The following DDC variants were observed in gnomAD, a reference collection of about 807,000 sequenced individuals.
The protein encoded by DDC is aromatic-L-amino-acid decarboxylase.
DDC carries 43 observed loss-of-function variants against 60.0 expected under a neutral mutation model. The observed-to-expected ratio is 0.72, with a 90% CI of 0.56 to 0.92. The LOEUF (loss-of-function observed/expected upper bound fraction) is 0.92. DDC is among the 40% of genes least tolerant of loss of function. DDC has a pLI of 0.00. For missense variants in DDC, 573 were observed against 620.2 expected (o/e 0.92, Z 0.81); for synonymous variants, 232 against 234.6 (o/e 0.99, Z 0.10).
In DDC at chr7:50,537,927, C is replaced by A; in HGVS notation, c.368G>T (p.Gly123Val). ...TGCCTTTGGTAGTTCCAGCATCTTC[C>A]CGAGCCAGTCCATCATCACAGTCTC... ...ELETVMMDWL[G>V]KMLELPKAFL... The change falls in exon 4 of 15, where the codon GGG becomes GTG. Residue 123 changes from glycine (G) to valine (V), a missense_variant. Transcript: ENST00000444124. 1 of 1,614,150 alleles carries A rather than the reference C, an allele frequency of 6.2e-7. No homozygotes were observed. The highest frequency in any genetic ancestry group is 1.6e-4 in the Middle Eastern group (1 of 6,062).
At chr7:50,542,076 A>G (rs868397341) in intron 2 of DDC, among the ~76,000 whole-genome samples, 1 of 152,314 alleles carries the variant, frequency 6.6e-6, no homozygotes, top group South Asian at 2.1e-4. Context: ...TGCCTTCAGC[A>G]CAGCAGGTCC....
chr7:50,537,828 C>A, intron 4 of DDC, 32 bp downstream of exon 4: 2 of 1,614,086 alleles, frequency 1.2e-6, no homozygotes, highest in Non-Finnish European at 1.7e-6. Context: ...GCCCATGCAT[C>A]CCAAAAGTGG....
chr7:50,561,169 C>G (rs1352411336), intron 1 of DDC: 1 of 152,262 alleles, frequency 6.6e-6, no homozygotes, highest in Non-Finnish European at 1.5e-5. Flanking sequence ...TACTGAGCAG[C>G]ATCCCTCCAC....
At chr7:50,492,876 G>T in intron 9 of DDC, 2 of 1,583,490 alleles carry the variant, frequency 1.3e-6, no homozygotes, top group East Asian at 2.3e-5. Context: ...GCTCTGCAGC[G>T]TCTGCGGCAG....
chr7:50,512,561 A>T (rs766250564), intron 6 of DDC, among the ~76,000 whole-genome samples: 4 of 152,210 alleles, frequency 2.6e-5, no homozygotes, highest in Non-Finnish European at 5.9e-5. Flanking sequence ...ATAGCTGAGC[A>T]TGTGTCCCTG....
At chr7:50,556,213 G>C (rs976654157) in intron 1 of DDC, among the ~76,000 whole-genome samples, 15 of 152,134 alleles carry the variant, frequency 9.9e-5, no homozygotes, top group African/African-American at 3.6e-4. Context: ...CTATAGACTG[G>C]GCAGCTTATA....
chr7:50,559,897 T>C (rs974309432), intron 1 of DDC, among the ~76,000 whole-genome samples: 7 of 152,234 alleles, frequency 4.6e-5, no homozygotes, highest in Non-Finnish European at 7.3e-5. Context: ...CTCTTTGAAT[T>C]TGTGGCAAGG....
rs2042496890 is a variant in DDC at position 50,470,151 on chromosome 7, G to T, written c.1062C>A (p.Gly354=). 1 of 1,612,156 alleles carries T rather than the reference G, an allele frequency of 6.2e-7. No homozygotes were observed. Among genetic ancestry groups the T allele is most frequent in the Non-Finnish European group, 8.5e-7 (1 of 1,178,320 alleles). ...ACATTTTCAAAGAGCGAAATCTTCT[G>T]CCCAGTGGTATCTGCCAATGCTGAA... The part of the protein sequence containing the change: ...TDYRHWQIPL[G]RRFRSLKMWF... Residue 354 remains glycine (G), a synonymous_variant, in exon 12 of 15, where the codon GGC becomes GGA. Transcript: ENST00000444124.
intron 6 of DDC, among the ~76,000 whole-genome samples, chr7:50,526,096 T>C (rs1481310887): frequency 2.0e-5 from 3 of 152,142 alleles, no homozygotes. Context: ...GGAAGTTCTG[T>C]GAAATCCAAG....
intron 9 of DDC, among the ~76,000 whole-genome samples, chr7:50,494,158 A>G (rs1023884081): frequency 2.0e-5 from 3 of 152,132 alleles, no homozygotes; most frequent in African/African-American, 7.2e-5. Flanking sequence ...CACCCACTTT[A>G]ATGCTTTAGT....
At chr7:50,504,197 C>T (rs769941064) in intron 6 of DDC, 138 bp from the exon 7 acceptor site, 9 of 714,788 alleles carry the variant, frequency 1.3e-5, no homozygotes, top group South Asian at 3.0e-5. Context: ...TACATGGAAA[C>T]GTAAGCCCAT....
intron 7 of DDC, among the ~76,000 whole-genome samples, chr7:50,502,813 C>G (rs573630188): frequency 6.6e-6 from 1 of 152,198 alleles, no homozygotes; most frequent in African/African-American, 2.4e-5. Context: ...TCTGAATAAT[C>G]GTGTGGGGAA....
In DDC at chr7:50,458,626, G is replaced by A. The variant is rs2042176087; in HGVS notation, c.*236C>T. 6.6e-6 allele frequency: 1 copy of A among 152,144 alleles called. No individual in the cohort carries two copies. The allele number at this position is 152,144 out of a possible 1,614,324, so 9.4% of individuals were successfully genotyped here. On this transcript the variant is annotated 3_prime_UTR_variant, in exon 15 of 15. Coordinates refer to ENST00000444124, the MANE Select transcript of DDC (RefSeq NM_001082971.2). Reference sequence around the variant, plus strand: ...AATGTTTTAATCAACAAAAATCACAGCTAATGAATAAAAGCTATGGCCATG... The same window carrying A: ...AATGTTTTAATCAACAAAAATCACAACTAATGAATAAAAGCTATGGCCATG...
rs199872159 is a variant in DDC at position 50,463,378 on chromosome 7, T to G, written c.1296A>C (p.Lys432Asn). Residue 432 changes from lysine (K) to asparagine (N), a missense_variant, in exon 14 of 15, where the codon AAA (lysine) becomes AAC (asparagine). Transcript: ENST00000444124. ...ALLQRINSAK[K>N]IHLVPCHLRD... is the part of the protein sequence containing the mutation. The stretch of plus-strand genomic sequence containing the variant: ...TGAGGTGACATGGAACCAAGTGGAT[T>G]TTTTTGGCACTGTTTATTCTTTGCA... 1.9e-6 allele frequency: 3 copies of G among 1,614,210 alleles called. No individual in the cohort carries two copies. The South Asian group carries it at 3.3e-5, about 18-fold the overall frequency.
intron 1 of DDC, among the ~76,000 whole-genome samples, chr7:50,550,610 T>A (rs960083551): frequency 6.6e-6 from 1 of 152,222 alleles, no homozygotes; most frequent in Non-Finnish European, 1.5e-5. Flanking sequence ...ACAGGAGACA[T>A]CAATCAATTT....
At chr7:50,473,435 T>C (rs1237068400) in intron 11 of DDC, among the ~76,000 whole-genome samples, 1 of 152,178 alleles carries the variant, frequency 6.6e-6, no homozygotes, top group Non-Finnish European at 1.5e-5. Flanking sequence ...GAAGCCCCTC[T>C]GCTCCAGAAC....
At chr7:50,488,604 G>A (rs574081928) in intron 9 of DDC, among the ~76,000 whole-genome samples, 1 of 151,272 alleles carries the variant, frequency 6.6e-6, no homozygotes, top group Non-Finnish European at 1.5e-5. Context: ...TCATAATAAG[G>A]TTTATAAAAA....
intron 6 of DDC, 149 bp from the exon 7 acceptor site, chr7:50,504,208 G>A: frequency 2.9e-6 from 2 of 697,776 alleles, no homozygotes; most frequent in Non-Finnish European, 5.3e-6. Context: ...GTAAGCCCAT[G>A]GATGCACATT....
intron 1 of DDC, among the ~76,000 whole-genome samples, chr7:50,552,142 C>A (rs2045017869): frequency 6.6e-6 from 1 of 152,210 alleles, no homozygotes; most frequent in South Asian, 2.1e-4. Flanking sequence ...TATTTATTCA[C>A]AGATTATTTC....
Sources: allele counts gnomAD v4.1 joint callset (sites outside exome capture counted in the v4.1 genomes callset), GRCh38; gene constraint gnomAD v4.1.1; transcripts MANE v1.5; gene names NCBI Gene and HGNC (gene_info 2026-07-23, HGNC 2026-07-21).